Variants in USP25 observed in about 807,000 individuals in gnomAD.
USP25 encodes the protein ubiquitin carboxyl-terminal hydrolase 25.
A neutral mutation model predicts 158.5 loss-of-function variants in USP25; 85 were observed. That is an observed-to-expected ratio of 0.54 (90% confidence interval 0.45 to 0.64). The LOEUF (loss-of-function observed/expected upper bound fraction) is 0.64. USP25 is among the 30% of genes least tolerant of loss of function. USP25 has a pLI of 0.00. For missense variants in USP25, 1,242 were observed against 1,327.3 expected, an observed-to-expected ratio of 0.94 and a Z score of 1.00; for synonymous variants, 464 against 460.4, an observed-to-expected ratio of 1.01 and a Z score of -0.10.
chr21:15,846,166 T>A (rs1386408426), intron 18 of USP25, among the ~76,000 whole-genome samples: 2 of 119,954 alleles, frequency 1.7e-5, no homozygotes, highest in Non-Finnish European at 3.5e-5. Flanking sequence ...ATATTTTTTT[T>A]TTTTTTTTTT....
At chr21:15,821,308 A>G (rs2037223263) in intron 10 of USP25, among the ~76,000 whole-genome samples, 1 of 151,524 alleles carries the variant, frequency 6.6e-6, no homozygotes, top group Non-Finnish European at 1.5e-5. Context: ...AGTGTCACAT[A>G]GTCTGTATTT....
chr21:15,759,139 T>C (rs1392398901), intron 1 of USP25, among the ~76,000 whole-genome samples: 1 of 152,216 alleles, frequency 6.6e-6, no homozygotes, highest in Non-Finnish European at 1.5e-5. Flanking sequence ...ATAAAAATTA[T>C]AAAGGATTTT....
chr21:15,776,144 A>G lies in USP25; in HGVS notation c.269-1760A>G, dbSNP rs907493484. Among the ~76,000 whole-genome samples, 6 of 152,156 alleles carry G rather than the reference A, an allele frequency of 3.9e-5. No homozygotes were observed. In the East Asian group the frequency reaches 7.7e-4, roughly 20 times the overall value. ...GAATGTTCAGTTCTGGGTTACACTC[A>G]TCTTCAGCTGTGGTCTGGGTGGACT... On this transcript the variant is annotated intron_variant, in intron 3 of 25. Coordinates refer to ENST00000400183, the MANE Select transcript of USP25 (RefSeq NM_001283041.3).
At chr21:15,827,535 A>G (rs1032350742) in intron 14 of USP25, among the ~76,000 whole-genome samples, 8 of 152,206 alleles carry the variant, frequency 5.3e-5, no homozygotes, top group African/African-American at 1.7e-4. Context: ...ATGTTTGTAC[A>G]TATCAATTAG....
At chr21:15,837,622 C>G (rs939765037) in intron 17 of USP25, among the ~76,000 whole-genome samples, 1 of 151,970 alleles carries the variant, frequency 6.6e-6, no homozygotes, top group Non-Finnish European at 1.5e-5. Flanking sequence ...AGAGCGTTGT[C>G]CGAGTTACTA....
chr21:15,743,330 G>A (rs758091026), intron 1 of USP25, among the ~76,000 whole-genome samples: 4 of 152,170 alleles, frequency 2.6e-5, no homozygotes, highest in Non-Finnish European at 5.9e-5. Context: ...ACCGTTTGGC[G>A]AGTTCTGGGT....
At chr21:15,735,666 G>A (rs1220881424) in intron 1 of USP25, among the ~76,000 whole-genome samples, 1 of 152,090 alleles carries the variant, frequency 6.6e-6, no homozygotes, top group Non-Finnish European at 1.5e-5. Context: ...TTTTGGAATT[G>A]TTTAGTGTAG....
chr21:15,841,307 G>A (rs767707317), intron 17 of USP25, among the ~76,000 whole-genome samples: 16 of 152,010 alleles, frequency 1.1e-4, no homozygotes, highest in Non-Finnish European at 1.9e-4. Flanking sequence ...TCTTTTTCAT[G>A]TTGCTCTACT....
chr21:15,735,224 A>G (rs2031371102), intron 1 of USP25, among the ~76,000 whole-genome samples: 2 of 152,314 alleles, frequency 1.3e-5, no homozygotes, highest in South Asian at 2.1e-4. Flanking sequence ...AATTTGGTAT[A>G]CAATTGGCCT....
At chr21:15,746,435 A>C (rs569046249) in intron 1 of USP25, among the ~76,000 whole-genome samples, 2 of 151,616 alleles carry the variant, frequency 1.3e-5, no homozygotes, top group African/African-American at 4.9e-5. Flanking sequence ...TTTTATTTTT[A>C]TTTTTATTTT....
chr21:15,751,311 C>T (rs1323154130), intron 1 of USP25, among the ~76,000 whole-genome samples: 1 of 152,088 alleles, frequency 6.6e-6, no homozygotes, highest in Non-Finnish European at 1.5e-5. Flanking sequence ...ATGGAGTTTC[C>T]AAGAGACCAT....
chr21:15,730,456 G>C lies in USP25; in HGVS notation c.45+18G>C, dbSNP rs1235033599. On this transcript the variant is annotated intron_variant, in intron 1 of 25. Transcript: ENST00000400183. ...CGCAGAAGGTGAGGCGAGTCCGCCAGCCGGCGGGCCCCACTTCTCCTTCCG... is the reference window on the plus strand; with the variant it reads ...CGCAGAAGGTGAGGCGAGTCCGCCACCCGGCGGGCCCCACTTCTCCTTCCG... The C allele has an allele frequency of 1.5e-6, 2 of 1,345,472 alleles. No individual in the cohort carries two copies. The highest frequency in any genetic ancestry group is 7.0e-5 in the Admixed American group (2 of 28,748). The allele number at this position is 1,345,472 out of a possible 1,614,324, so 83.3% of individuals were successfully genotyped here.
intron 6 of USP25, among the ~76,000 whole-genome samples, 167 bp downstream of exon 6, chr21:15,800,010 T>A (rs759970147): frequency 6.6e-6 from 1 of 151,320 alleles, no homozygotes; most frequent in Non-Finnish European, 1.5e-5. Flanking sequence ...TGTTAATATA[T>A]TATAAATACG....
At chr21:15,765,681 C>T (rs931782594) in intron 2 of USP25, among the ~76,000 whole-genome samples, 3 of 151,900 alleles carry the variant, frequency 2.0e-5, no homozygotes, top group African/African-American at 7.3e-5. Context: ...TCCAGAAGAC[C>T]TTTTTTAGTT....
chr21:15,832,674 A>G lies in USP25; in HGVS notation c.1994-674A>G, dbSNP rs115963204. Among the ~76,000 whole-genome samples the G allele has an allele frequency of 3.5e-3, 530 of 152,034 alleles. 2 individuals are homozygous for G. The highest frequency in any genetic ancestry group is 0.012 in the African/African-American group (506 of 41,460). On this transcript the variant is annotated intron_variant, in intron 16 of 25. Coordinates refer to ENST00000400183, the MANE Select transcript of USP25 (RefSeq NM_001283041.3). ...CTTTTTAAGTGATCAAACATCTGGT[A>G]TTTTCCAATAGTGGCAGAAGTAGTA...
intron 1 of USP25, among the ~76,000 whole-genome samples, chr21:15,736,443 G>A (rs1161587124): frequency 1.3e-5 from 2 of 152,072 alleles, no homozygotes; most frequent in African/African-American, 2.4e-5. Flanking sequence ...CCATGCACAT[G>A]TGGTGATAAC....
At chr21:15,812,677 A>G (rs1244238133) in intron 9 of USP25, among the ~76,000 whole-genome samples, 1 of 152,052 alleles carries the variant, frequency 6.6e-6, no homozygotes, top group Non-Finnish European at 1.5e-5. Flanking sequence ...TTAATTTGTC[A>G]ATCCAGTGTT....
intron 20 of USP25, among the ~76,000 whole-genome samples, chr21:15,856,433 T>C (rs2039140725): frequency 1.3e-5 from 2 of 152,190 alleles, no homozygotes; most frequent in South Asian, 4.1e-4. Flanking sequence ...TCATCCTGTA[T>C]TTATAATTTA....
chr21:15,748,457 T>G (rs2032739417), intron 1 of USP25, among the ~76,000 whole-genome samples: 3 of 114,516 alleles, frequency 2.6e-5, no homozygotes, highest in Non-Finnish European at 5.9e-5. Context: ...CTTTTTAGTT[T>G]TTTTTTTTTT....
Sources: allele counts gnomAD v4.1 joint callset (sites outside exome capture counted in the v4.1 genomes callset), GRCh38; gene constraint gnomAD v4.1.1; transcripts MANE v1.5; gene names NCBI Gene and HGNC (gene_info 2026-07-23, HGNC 2026-07-21).